The following GREB1 variants were observed in gnomAD, a reference collection of about 807,000 sequenced individuals.
GREB1 encodes protein GREB1.
In GREB1, 106 loss-of-function variants were observed where a neutral mutation model predicts 200.7. That is an observed-to-expected ratio of 0.53 (90% CI 0.45 to 0.62). The LOEUF is 0.62. Ranked by LOEUF, GREB1 falls within the 20% of genes least tolerant of loss-of-function variation. GREB1 has a pLI of 0.00. For missense variants in GREB1, 2,243 were observed against 2,556.8 expected (o/e 0.88, Z 2.65); for synonymous variants, 1,132 against 1,092.4 (o/e 1.04, Z -0.72).
intron 6 of GREB1, among the ~76,000 whole-genome samples, chr2:11,578,672 T>A (rs1216831301): frequency 1.3e-5 from 2 of 152,182 alleles, no homozygotes; most frequent in Non-Finnish European, 2.9e-5. Context: ...GGTGGGGACA[T>A]ATGCAGGATC....
rs561040901 is a variant in GREB1 at position 11,576,646 on chromosome 2, G to A, written c.637+111G>A. 3.4e-4 allele frequency: 261 copies of A among 758,932 alleles called. 1 individual carries two copies. In the South Asian group the frequency reaches 4.9e-3, roughly 14 times the overall value. 47.0% of individuals were successfully genotyped at this position (758,932 alleles called of 1,614,324 possible). A position where few individuals can be genotyped will look rare whatever the true frequency, so the allele number is the denominator to read the frequency against. ...GCCCCTGCATAGCAGCACACATCACGGGCAAAAGGCCAGGCCTATGAAATG... is the reference window on the plus strand; with the variant it reads ...GCCCCTGCATAGCAGCACACATCACAGGCAAAAGGCCAGGCCTATGAAATG... On this transcript the variant is annotated intron_variant, in intron 5 of 32. Coordinates refer to ENST00000381486, the MANE Select transcript of GREB1 (RefSeq NM_014668.4).
chr2:11,521,627 G>T (rs1033905430), intron 1 of GREB1, among the ~76,000 whole-genome samples: 2 of 152,180 alleles, frequency 1.3e-5, no homozygotes, highest in African/African-American at 4.8e-5. Context: ...CCCAGTGAGA[G>T]TTCTCTGTCA....
At chr2:11,514,918 TC>T (rs1673443850) in intron 1 of GREB1, among the ~76,000 whole-genome samples, 1 of 152,172 alleles carries the variant, frequency 6.6e-6, no homozygotes, top group Admixed American at 6.5e-5. Context: ...GTTGAATCCA[TC>T]CGTCCACACA....
At chr2:11,563,634 C>A (rs1218930154) in intron 3 of GREB1, among the ~76,000 whole-genome samples, 1 of 152,202 alleles carries the variant, frequency 6.6e-6, no homozygotes, top group African/African-American at 2.4e-5. Context: ...AGCTGCGGGC[C>A]AATCACTGCA....
At chr2:11,531,100 C>T (rs570789058), upstream of GREB1, among the ~76,000 whole-genome samples, 25 of 152,194 alleles carry the variant, frequency 1.6e-4, no homozygotes, top group Admixed American at 5.9e-4. Context: ...CTGGCTGCTT[C>T]CTGAGTGGCC....
At chr2:11,561,997 T>C (rs149861254) in intron 2 of GREB1, among the ~76,000 whole-genome samples, 474 of 152,296 alleles carry the variant, frequency 3.1e-3, no homozygotes, top group Non-Finnish European at 5.2e-3. Context: ...TGTAAAATGG[T>C]CTTCATATGA....
At chr2:11,593,553 C>T (rs981813996) in intron 11 of GREB1, among the ~76,000 whole-genome samples, 4 of 152,166 alleles carry the variant, frequency 2.6e-5, no homozygotes, top group Non-Finnish European at 4.4e-5. Context: ...GTGGCCTGAT[C>T]TTGGCTCATT....
chr2:11,612,675 G>C lies in GREB1; in HGVS notation c.3122+65G>C, dbSNP rs1683039265. The C allele has an allele frequency of 1.2e-5, 12 of 1,004,118 alleles. No homozygotes were observed. The South Asian group carries it at 1.6e-4, about 13-fold the overall frequency. The allele number at this position is 1,004,118 out of a possible 1,614,324, so 62.2% of individuals were successfully genotyped here. Reference sequence around the variant, plus strand: ...CTGGCTGCCTGGGCCCCCTCAAGGAGCATGTCAGGGGGGCTGCTGTGCCCT... The same window carrying C: ...CTGGCTGCCTGGGCCCCCTCAAGGACCATGTCAGGGGGGCTGCTGTGCCCT... On this transcript the variant is annotated intron_variant, in intron 19 of 32. Transcript: ENST00000381486.
At chr2:11,599,597 T>G (rs1166883740) in intron 15 of GREB1, among the ~76,000 whole-genome samples, 3 of 150,496 alleles carry the variant, frequency 2.0e-5, no homozygotes, top group Non-Finnish European at 4.4e-5. Flanking sequence ...CTCCGCTCAC[T>G]GCAAACTCTG....
intron 31 of GREB1, 60 bp downstream of exon 31, chr2:11,637,976 G>A: frequency 7.1e-7 from 1 of 1,408,878 alleles, no homozygotes; most frequent in South Asian, 1.2e-5. Flanking sequence ...AGAACCAATG[G>A]GCTGGAATCT....
In GREB1 at chr2:11,622,965, G is replaced by A. The variant is rs144717754; in HGVS notation, c.4147+1958G>A. On this transcript the variant is annotated intron_variant, in intron 23 of 32. Transcript: ENST00000381486. ...CCTCATTAGAACATTCCTGAAAATG[G>A]AATATGTGTCAAGAGCCTTGCAGAT... 4.0e-4 allele frequency among the ~76,000 whole-genome samples: 61 copies of A among 152,362 alleles called. 3 individuals carry two copies. In the East Asian group the frequency reaches 0.011, roughly 28 times the overall value.
rs1336927248 is a variant in GREB1, at chr2:11,492,194, C to T, written c.-159+9813C>T. Among the ~76,000 whole-genome samples, 4 of 152,206 alleles carry T rather than the reference C, an allele frequency of 2.6e-5. No homozygotes were observed. The highest frequency in any genetic ancestry group is 7.2e-5 in the African/African-American group (3 of 41,458). On this transcript the variant is annotated intron_variant, in intron 1 of 2. Transcript: ENST00000628795. The surrounding 1 kb of genome is among the most constrained non-coding windows in gnomAD (Gnocchi z 4.0). ...GATTGTTCACCTAGCACTGGAGCAT[C>T]GTCATGGACACGCCAGGCCTGAGTG...
At chr2:11,553,521 C>G (rs762300059) in intron 1 of GREB1, among the ~76,000 whole-genome samples, 1 of 152,072 alleles carries the variant, frequency 6.6e-6, no homozygotes, top group Non-Finnish European at 1.5e-5. Flanking sequence ...CTTTTCTATG[C>G]TGTCTTGTTT....
At chr2:11,587,729 AC>A in intron 9 of GREB1, 1 of 1,201,960 alleles carries the variant, frequency 8.3e-7, no homozygotes, top group Non-Finnish European at 1.0e-6. Flanking sequence ...ACACACACAC[AC>A]ACACACACAC....
In GREB1 at chr2:11,616,650, A is replaced by C; in HGVS notation, c.3342A>C (p.Arg1114Ser). Residue 1114 changes from arginine to serine, a missense_variant, in exon 21 of 33, where the codon AGA becomes AGC. Physicochemically the swap from Arg to Ser is moderately radical, Grantham distance 110 (BLOSUM62 -1). Transcript: ENST00000381486. ...LGTEGSTSEK[R>S]SPMKRERSRS... ...GAACAGGCTCTACCTCGGAGAAGAG[A>C]AGCCCCATGAAAAGGGAGAGGTCCC... 6.2e-7 allele frequency: 1 copy of C among 1,610,942 alleles called. No homozygotes were observed. Among genetic ancestry groups the C allele is most frequent in the Non-Finnish European group, 8.5e-7 (1 of 1,177,088 alleles).
intron 7 of GREB1, among the ~76,000 whole-genome samples, chr2:11,583,023 A>G (rs954977726): frequency 1.3e-5 from 2 of 152,218 alleles, no homozygotes; most frequent in African/African-American, 2.4e-5. Flanking sequence ...AACAGGCTAC[A>G]TAATGAGTCA....
At chr2:11,621,691 G>A (rs1448111969) in intron 23 of GREB1, among the ~76,000 whole-genome samples, 1 of 152,212 alleles carries the variant, frequency 6.6e-6, no homozygotes, top group Non-Finnish European at 1.5e-5. Context: ...TCCTGTCTGT[G>A]TTGTGGAGAG....
chr2:11,513,167 G>A (rs548944948), intron 1 of GREB1, among the ~76,000 whole-genome samples: 39 of 152,176 alleles, frequency 2.6e-4, no homozygotes, highest in Middle Eastern at 6.3e-3. Flanking sequence ...AGAATGCCCC[G>A]AGGATGAATC....
At chr2:11,572,846 G>A (rs1483228706) in intron 4 of GREB1, among the ~76,000 whole-genome samples, 1 of 152,012 alleles carries the variant, frequency 6.6e-6, no homozygotes. Context: ...TGTAGCCGTG[G>A]CTTGGTCACC....
Sources: allele counts gnomAD v4.1 joint callset (sites outside exome capture counted in the v4.1 genomes callset), GRCh38; gene constraint gnomAD v4.1.1; non-coding constraint Gnocchi (gnomAD v3.1); transcripts MANE v1.5; gene names NCBI Gene and HGNC (gene_info 2026-07-23, HGNC 2026-07-21).